RPS6KC1: variants seen among roughly 807,000 people sequenced by gnomAD.
RPS6KC1 encodes inactive ribosomal protein S6 kinase delta-1.
Under a neutral mutation model 103.8 loss-of-function variants are expected in RPS6KC1, and 54 were observed. The observed-to-expected ratio is 0.52, with a 90% CI of 0.42 to 0.65. The LOEUF (loss-of-function observed/expected upper bound fraction) is 0.65. RPS6KC1 is among the 30% of genes least tolerant of loss of function. The probability of loss-of-function intolerance (pLI) is 0.00; values close to 1 mark genes in which losing one functional copy is unlikely to be tolerated. For synonymous variants in RPS6KC1, 439 were observed against 438.7 expected (o/e 1.00, Z -0.01); for missense variants, 1,151 against 1,253.8 (o/e 0.92, Z 1.24).
At chr1:213,802,785 C>T in the RPS6KC1 span, among the ~76,000 whole-genome samples, 2 of 152,156 alleles carry the variant, frequency 1.3e-5, no homozygotes, top group Non-Finnish European at 1.5e-5. Flanking sequence ...TGGCCTGTGT[C>T]TCCTGGGATG....
At chr1:213,603,366 G>T in the RPS6KC1 span, among the ~76,000 whole-genome samples, 31 of 152,314 alleles carry the variant, frequency 2.0e-4, no homozygotes, top group African/African-American at 7.5e-4. Context: ...AGCAGTTACT[G>T]CTCCTGGGGA....
the RPS6KC1 span, among the ~76,000 whole-genome samples, chr1:213,389,851 T>C: frequency 3.9e-5 from 6 of 152,164 alleles, no homozygotes; most frequent in Admixed American, 3.9e-4. Context: ...GGGTGTTCTT[T>C]AGGGTTTTTT....
chr1:213,492,390 G>A, the RPS6KC1 span: 7 of 152,350 alleles, frequency 4.6e-5, no homozygotes, highest in South Asian at 4.1e-4. Flanking sequence ...TTTGTTTAGC[G>A]TCCTTGACAT....
chr1:213,667,278 A>G, the RPS6KC1 span, among the ~76,000 whole-genome samples: 2 of 152,200 alleles, frequency 1.3e-5, no homozygotes, highest in African/African-American at 4.8e-5. Context: ...ATATATAGGC[A>G]TACCTCAAAG....
chr1:213,749,712 A>G, the RPS6KC1 span, among the ~76,000 whole-genome samples: 1 of 151,986 alleles, frequency 6.6e-6, no homozygotes, highest in Non-Finnish European at 1.5e-5. Flanking sequence ...TGTGGTGTCT[A>G]TTGTGGCAGC....
chr1:213,297,842 C>G, the RPS6KC1 span, among the ~76,000 whole-genome samples: 11 of 152,152 alleles, frequency 7.2e-5, no homozygotes, highest in African/African-American at 2.7e-4. Flanking sequence ...AGGCTAGTCT[C>G]AAACTCCTGG....
chr1:213,560,871 C>A, the RPS6KC1 span, among the ~76,000 whole-genome samples: 339 of 152,280 alleles, frequency 2.2e-3, 2 homozygotes, highest in African/African-American at 7.9e-3. Context: ...AAGCAGTGGG[C>A]AAGCCTGCTT....
the RPS6KC1 span, among the ~76,000 whole-genome samples, chr1:213,529,926 T>C: frequency 1.3e-5 from 2 of 152,214 alleles, no homozygotes; most frequent in African/African-American, 4.8e-5. Flanking sequence ...ATCCCATCTA[T>C]TCTATTTTGG....
chr1:213,582,088 C>CT, the RPS6KC1 span, among the ~76,000 whole-genome samples: 2,940 of 139,254 alleles, frequency 0.021, 81 homozygotes, highest in African/African-American at 0.061. Context: ...GATCAGGGAC[C>CT]TTTTTTTTTT....
At chr1:213,174,526 TG>T (rs1355184768) in intron 7 of RPS6KC1, among the ~76,000 whole-genome samples, 1 of 151,816 alleles carries the variant, frequency 6.6e-6, no homozygotes, top group African/African-American at 2.4e-5. Flanking sequence ...AGAAATTAGC[TG>T]GGCATGGTGG....
the RPS6KC1 span, among the ~76,000 whole-genome samples, chr1:213,400,887 A>G: frequency 1.3e-5 from 2 of 151,878 alleles, no homozygotes; most frequent in Non-Finnish European, 2.9e-5. Flanking sequence ...TTGTATTTTT[A>G]GTAGAGATGG....
At chr1:213,547,510 T>C in the RPS6KC1 span, among the ~76,000 whole-genome samples, 1 of 152,204 alleles carries the variant, frequency 6.6e-6, no homozygotes, top group Admixed American at 6.5e-5. Flanking sequence ...AAGAACCGCT[T>C]CTATAGTATG....
intron 8 of RPS6KC1, among the ~76,000 whole-genome samples, chr1:213,204,620 CTTTTTTTTTTT>C: frequency 7.8e-6 from 1 of 127,646 alleles, no homozygotes; most frequent in South Asian, 2.5e-4. Flanking sequence ...TTAATTGTCA[CTTTTTTTTTTT>C]TTTTTTTTTT....
chr1:213,479,110 T>C, the RPS6KC1 span, among the ~76,000 whole-genome samples: 1 of 152,144 alleles, frequency 6.6e-6, no homozygotes, highest in Non-Finnish European at 1.5e-5. Context: ...ATATATTCTA[T>C]CACCTGAATA....
At chr1:213,396,720 C>G in the RPS6KC1 span, among the ~76,000 whole-genome samples, 123,780 of 152,178 alleles carry the variant, frequency 0.81, 50,745 homozygotes, top group East Asian at 0.99. Flanking sequence ...CTGTGTGGAC[C>G]TCCTTTTGTT....
At chr1:213,099,584 C>T (rs2081827490) in intron 3 of RPS6KC1, among the ~76,000 whole-genome samples, 1 of 152,108 alleles carries the variant, frequency 6.6e-6, no homozygotes, top group Non-Finnish European at 1.5e-5. Flanking sequence ...AAACATATAC[C>T]TGTATAACCC....
Position 213,051,490 on chromosome 1 carries a change from T to C in RPS6KC1, c.86T>C (p.Val29Ala). The change falls in exon 1 of 15, where the codon GTA becomes GCA. Residue 29 changes from valine (V) to alanine (A), a missense_variant. Physicochemically the swap from Val to Ala is moderately conservative, Grantham distance 64. Transcript: ENST00000366960. ...CAGCGACACCCGAGGGGCTACACAGTATATAAGGTCACCGCCCGGGTGAGT... is the reference window on the plus strand; with the variant it reads ...CAGCGACACCCGAGGGGCTACACAGCATATAAGGTCACCGCCCGGGTGAGT... ...EPQRHPRGYT[V>A]YKVTARVVSR... 1.2e-6 allele frequency: 2 copies of C among 1,612,528 alleles called. No homozygotes were observed. The highest frequency in any genetic ancestry group is 2.2e-5 in the South Asian group (2 of 90,826).
At chr1:213,671,578 G>C in the RPS6KC1 span, among the ~76,000 whole-genome samples, 4 of 152,202 alleles carry the variant, frequency 2.6e-5, no homozygotes, top group Non-Finnish European at 1.5e-5. Context: ...GAGATCAGGA[G>C]TTCAAGACCA....
chr1:213,123,612 G>T (rs1175134789), intron 5 of RPS6KC1, among the ~76,000 whole-genome samples: 3 of 152,068 alleles, frequency 2.0e-5, no homozygotes, highest in African/African-American at 7.2e-5. Flanking sequence ...TTGGATTTAG[G>T]TATTCACTTA....
Sources: allele counts gnomAD v4.1 joint callset (sites outside exome capture counted in the v4.1 genomes callset), GRCh38; gene constraint gnomAD v4.1.1; transcripts MANE v1.5; gene names NCBI Gene and HGNC (gene_info 2026-07-23, HGNC 2026-07-21).